Variants in NCK1 observed in about 807,000 individuals in gnomAD.
NCK1 encodes SH2/SH3 adapter protein NCK1.
A neutral mutation model predicts 36.6 loss-of-function variants in NCK1; 19 were observed. That is an observed-to-expected ratio of 0.52 (90% confidence interval 0.36 to 0.76). The LOEUF (loss-of-function observed/expected upper bound fraction) is 0.76. NCK1 is among the 30% of genes least tolerant of loss of function. NCK1 has a pLI of 0.00. For synonymous variants in NCK1, 165 were observed against 156.0 expected, an observed-to-expected ratio of 1.06 and a Z score of -0.43; for missense variants, 358 against 445.6, an observed-to-expected ratio of 0.80 and a Z score of 1.77.
chr3:136,946,800 A>C (rs554185572), intron 3 of NCK1: 1 of 152,872 alleles, frequency 6.5e-6, no homozygotes, highest in African/African-American at 2.4e-5. Flanking sequence ...TATAACCTCA[A>C]AAAACCTATT....
chr3:136,880,017 G>T (rs1428531499), intron 1 of NCK1, among the ~76,000 whole-genome samples: 66 of 149,314 alleles, frequency 4.4e-4, no homozygotes, highest in African/African-American at 1.6e-3. Context: ...GGGCACAGTG[G>T]CTCACGCCTG....
At chr3:136,864,470 A>G (rs1358251534) in intron 1 of NCK1, among the ~76,000 whole-genome samples, 1 of 149,962 alleles carries the variant, frequency 6.7e-6, no homozygotes, top group African/African-American at 2.5e-5. Flanking sequence ...GCCTGGCAAC[A>G]GAGCAAGATT....
At chr3:136,937,629 T>C (rs554138250) in intron 2 of NCK1, among the ~76,000 whole-genome samples, 2 of 152,348 alleles carry the variant, frequency 1.3e-5, no homozygotes, top group Admixed American at 6.5e-5. Context: ...CAGCGGTGTT[T>C]TGCAGTGTTT....
chr3:136,876,530 A>C (rs1374816941), intron 1 of NCK1, among the ~76,000 whole-genome samples: 1 of 152,206 alleles, frequency 6.6e-6, no homozygotes, highest in East Asian at 1.9e-4. Flanking sequence ...GGCTTTTATG[A>C]ACATCCTTCC....
At chr3:136,929,191 C>T (rs1168249531) in intron 2 of NCK1, among the ~76,000 whole-genome samples, 2 of 152,148 alleles carry the variant, frequency 1.3e-5, no homozygotes, top group Non-Finnish European at 2.9e-5. Flanking sequence ...CCTCAGCTTC[C>T]TGAGTAGCTG....
intron 2 of NCK1, among the ~76,000 whole-genome samples, chr3:136,932,214 CT>C (rs780196268): frequency 6.6e-6 from 1 of 151,196 alleles, no homozygotes; most frequent in Non-Finnish European, 1.5e-5. Flanking sequence ...TTTGCTGAGT[CT>C]TAGGAAGTTG....
chr3:136,923,198 A>G (rs1402748197), intron 1 of NCK1, among the ~76,000 whole-genome samples: 4 of 151,812 alleles, frequency 2.6e-5, no homozygotes, highest in Non-Finnish European at 5.9e-5. Context: ...TTTCTTATAT[A>G]TTTTTCTTGA....
Position 136,950,264 on chromosome 3 carries a change from T to C in NCK1, c.*1811T>C, listed in dbSNP as rs1479789551. The stretch of plus-strand genomic sequence containing the variant: ...CCCAGTCTTCCTTATGAAAAAAATG[T>C]ATGTTTGTAAAAAGAGAACAATTAA... On this transcript the variant is annotated 3_prime_UTR_variant, in exon 4 of 4. Transcript: ENST00000481752. Among the ~76,000 whole-genome samples the C allele has an allele frequency of 6.6e-6, 1 of 152,154 alleles. No homozygotes were observed. The highest frequency in any genetic ancestry group is 1.5e-5 in the Non-Finnish European group (1 of 67,974).
chr3:136,902,129 ATGT>A (rs1338466454), intron 1 of NCK1, among the ~76,000 whole-genome samples: 2 of 149,068 alleles, frequency 1.3e-5, no homozygotes, highest in East Asian at 2.0e-4. Context: ...ATTCAGAAGC[ATGT>A]TGTTTAACTT....
At chr3:136,881,349 A>G (rs1424326443) in intron 1 of NCK1, among the ~76,000 whole-genome samples, 1 of 152,008 alleles carries the variant, frequency 6.6e-6, no homozygotes, top group Non-Finnish European at 1.5e-5. Flanking sequence ...CCTCCTTAGT[A>G]GCTGGGACTA....
At chr3:136,917,369 C>G (rs1386941932) in intron 1 of NCK1, among the ~76,000 whole-genome samples, 1 of 152,126 alleles carries the variant, frequency 6.6e-6, no homozygotes, top group Non-Finnish European at 1.5e-5. Flanking sequence ...AGATCTTTCT[C>G]AGGCCTGGCC....
chr3:136,865,268 A>C (rs2108059835), intron 1 of NCK1, among the ~76,000 whole-genome samples: 1 of 152,152 alleles, frequency 6.6e-6, no homozygotes, highest in East Asian at 1.9e-4. Flanking sequence ...TATTTTTAGT[A>C]GAGACGGAGT....
At chr3:136,882,547 C>CTGTG (rs35463509) in intron 1 of NCK1, among the ~76,000 whole-genome samples, 9,342 of 143,410 alleles carry the variant, frequency 0.065, 337 homozygotes, top group African/African-American at 0.084. Flanking sequence ...TCCCACATCA[C>CTGTG]TGTGTGTGTG....
chr3:136,914,251 A>G (rs1457746422), intron 1 of NCK1, among the ~76,000 whole-genome samples: 3 of 152,182 alleles, frequency 2.0e-5, no homozygotes, highest in Non-Finnish European at 2.9e-5. Flanking sequence ...TATTGCCCGA[A>G]AGCTGTGGAA....
chr3:136,943,662 T>C (rs1940733712), intron 2 of NCK1, among the ~76,000 whole-genome samples: 1 of 152,262 alleles, frequency 6.6e-6, no homozygotes, highest in Non-Finnish European at 1.5e-5. Flanking sequence ...CCTTTGTTCC[T>C]ACTACTGATG....
At chr3:136,892,388 G>A (rs9853417) in intron 1 of NCK1, among the ~76,000 whole-genome samples, 103,670 of 152,062 alleles carry the variant, frequency 0.68, 35,624 homozygotes, top group East Asian at 0.87. Context: ...GACTCTTTTC[G>A]GTTGCCTGTG....
At chr3:136,862,702 C>T (rs1288430067) in intron 1 of NCK1, among the ~76,000 whole-genome samples, 1 of 152,230 alleles carries the variant, frequency 6.6e-6, no homozygotes, top group African/African-American at 2.4e-5. Flanking sequence ...TGTCTGTTTT[C>T]TCATGAAAAA....
In NCK1 at chr3:136,928,046, C is replaced by T; in HGVS notation, c.45C>T (p.Ala15=). The change falls in exon 2 of 4, where the codon GCC becomes GCT. Residue 15 remains alanine (A), a synonymous_variant. Transcript: ENST00000481752. Reference sequence around the variant, plus strand: ...TAGTAGCCAAATTTGATTATGTGGCCCAACAAGAACAAGAGTTGGACATCA... The same window carrying T: ...TAGTAGCCAAATTTGATTATGTGGCTCAACAAGAACAAGAGTTGGACATCA... The part of the protein sequence containing the change: ...VVVVAKFDYV[A]QQEQELDIKK... 1 of 1,613,838 alleles carries T rather than the reference C, an allele frequency of 6.2e-7. No individual in the cohort carries two copies. Among genetic ancestry groups the T allele is most frequent in the African/African-American group, 1.3e-5 (1 of 74,926 alleles).
intron 1 of NCK1, among the ~76,000 whole-genome samples, chr3:136,926,855 CT>C (rs1262579249): frequency 3.9e-5 from 6 of 152,036 alleles, no homozygotes; most frequent in Admixed American, 2.0e-4. Context: ...CATTTGATTG[CT>C]TTTTGTATGT....
Sources: allele counts gnomAD v4.1 joint callset (sites outside exome capture counted in the v4.1 genomes callset), GRCh38; gene constraint gnomAD v4.1.1; transcripts MANE v1.5; gene names NCBI Gene and HGNC (gene_info 2026-07-23, HGNC 2026-07-21).